Variants in TCF4 observed in about 807,000 individuals in gnomAD.
The protein encoded by TCF4 is SL3-3 enhancer factor 2.
A neutral mutation model predicts 82.1 loss-of-function variants in TCF4; 3 were observed. The ratio of observed to expected loss-of-function variants is 0.04; its 90% CI spans 0.02 to 0.09. The LOEUF is 0.09. Among genes scored for constraint, TCF4 ranks in the 10% least tolerant of loss-of-function variants. The pLI, the probability that TCF4 is intolerant of heterozygous loss-of-function variation, is 1.00. For synonymous variants in TCF4, 276 were observed against 309.6 expected (o/e 0.89, Z 1.14); for missense variants, 518 against 852.7 (o/e 0.61, Z 4.89).
intron 3 of TCF4, among the ~76,000 whole-genome samples, chr18:55,494,157 GACAC>G (rs3138626): frequency 6.8e-5 from 10 of 147,738 alleles, no homozygotes; most frequent in East Asian, 3.9e-4. Context: ...AAATATTATG[GACAC>G]ACACACACAC....
chr18:55,611,945 A>G (rs982291402), intron 2 of TCF4, among the ~76,000 whole-genome samples: 1 of 151,812 alleles, frequency 6.6e-6, no homozygotes, highest in Non-Finnish European at 1.5e-5. Flanking sequence ...ATTTTTTTGT[A>G]TTTTTAGTAG....
intron 3 of TCF4, among the ~76,000 whole-genome samples, chr18:55,568,901 T>C (rs2097433550): frequency 6.6e-6 from 1 of 152,172 alleles, no homozygotes; most frequent in Admixed American, 6.5e-5. Flanking sequence ...GCTACATCAT[T>C]AATTTCATCC....
At chr18:55,265,535 T>C (rs2145842952) in intron 11 of TCF4, 1 of 152,292 alleles carries the variant, frequency 6.6e-6, no homozygotes, top group East Asian at 1.9e-4. Context: ...CAAACTAGTT[T>C]ATTGTTCTCT....
At chr18:55,577,785 C>T (rs2097543136) in intron 3 of TCF4, among the ~76,000 whole-genome samples, 1 of 152,074 alleles carries the variant, frequency 6.6e-6, no homozygotes. Context: ...AAGGGGTATC[C>T]TGTAATGGGG....
At chr18:55,328,932 T>C (rs1300642762) in intron 8 of TCF4, among the ~76,000 whole-genome samples, 1 of 152,202 alleles carries the variant, frequency 6.6e-6, no homozygotes, top group African/African-American at 2.4e-5. Context: ...TCTAGCAATT[T>C]CCTGAGGTTT....
intron 8 of TCF4, among the ~76,000 whole-genome samples, chr18:55,341,832 T>G (rs2080038979): frequency 6.6e-6 from 1 of 152,196 alleles, no homozygotes; most frequent in African/African-American, 2.4e-5. Context: ...ATTTTATTTT[T>G]CAAATGCATG....
chr18:55,582,933 C>A (rs1353150950), intron 3 of TCF4, among the ~76,000 whole-genome samples: 1 of 152,088 alleles, frequency 6.6e-6, no homozygotes, highest in Admixed American at 6.6e-5. Context: ...AATTAAAGGG[C>A]AAAATGCAGT....
At chr18:55,611,419 C>T (rs1435119062) in intron 2 of TCF4, among the ~76,000 whole-genome samples, 1 of 152,178 alleles carries the variant, frequency 6.6e-6, no homozygotes, top group Non-Finnish European at 1.5e-5. Flanking sequence ...CCTGCCAAGG[C>T]CAATTTTTCT....
intron 2 of TCF4, among the ~76,000 whole-genome samples, chr18:55,602,220 A>AAATTAAGTAACTTGCTC (rs1369529454): frequency 6.6e-6 from 1 of 152,214 alleles, no homozygotes; most frequent in East Asian, 1.9e-4. Context: ...AGGCAGAGAG[A>AAATTAAGTAACTTGCTC]AATTAAGTAA....
At chr18:55,574,312 ATTTCAACATAT>A (rs2097506226) in intron 3 of TCF4, among the ~76,000 whole-genome samples, 1 of 152,182 alleles carries the variant, frequency 6.6e-6, no homozygotes, top group South Asian at 2.1e-4. Context: ...ATACTTGCAT[ATTTCAACATAT>A]TTTATTTTAT....
intron 8 of TCF4, among the ~76,000 whole-genome samples, chr18:55,312,708 T>C (rs950572296): frequency 3.3e-5 from 5 of 152,182 alleles, no homozygotes; most frequent in Non-Finnish European, 7.4e-5. Context: ...TAAACGCTTT[T>C]AACAATCATG....
At chr18:55,273,173 G>A (rs779232542) in intron 10 of TCF4, among the ~76,000 whole-genome samples, 16 of 152,242 alleles carry the variant, frequency 1.1e-4, no homozygotes, top group Non-Finnish European at 1.0e-4. Context: ...CTGTAAAGGG[G>A]ATTTAAAGAC....
At chr18:55,625,238 A>T (rs980807900) in intron 2 of TCF4, among the ~76,000 whole-genome samples, 3 of 151,378 alleles carry the variant, frequency 2.0e-5, no homozygotes, top group Non-Finnish European at 4.4e-5. Context: ...CTCAAGCTAC[A>T]ACTTTTTTTT....
chr18:55,440,336 C>T (rs534789768), intron 5 of TCF4, among the ~76,000 whole-genome samples: 54 of 152,214 alleles, frequency 3.5e-4, no homozygotes, highest in East Asian at 9.7e-4. Context: ...AGGTGACTAC[C>T]GCTAAGCTTT....
chr18:55,351,812 C>T (rs968775425), intron 6 of TCF4: 9 of 906,600 alleles, frequency 9.9e-6, no homozygotes, highest in African/African-American at 7.2e-5. Context: ...ATATAAATCG[C>T]TTGATTATAC....
chr18:55,308,305 T>C (rs573392806), intron 8 of TCF4, among the ~76,000 whole-genome samples: 24 of 152,340 alleles, frequency 1.6e-4, no homozygotes, highest in African/African-American at 5.3e-4. Context: ...TACGTGCTTG[T>C]TGTTACATGG....
intron 11 of TCF4, among the ~76,000 whole-genome samples, chr18:55,261,970 C>T (rs897545357): frequency 6.6e-6 from 1 of 152,128 alleles, no homozygotes; most frequent in Non-Finnish European, 1.5e-5. Flanking sequence ...CATAGCAAAA[C>T]GGGGTATTCG....
At chr18:55,461,683 G>A (rs2095870348) in intron 4 of TCF4, among the ~76,000 whole-genome samples, 1 of 152,072 alleles carries the variant, frequency 6.6e-6, no homozygotes. Context: ...GAATATTAGG[G>A]TTTAACTAGG....
At chr18:55,486,452 C>T (rs1156965867) in intron 3 of TCF4, among the ~76,000 whole-genome samples, 1 of 151,936 alleles carries the variant, frequency 6.6e-6, no homozygotes, top group Non-Finnish European at 1.5e-5. Context: ...ATTAGCCGGG[C>T]GTGGTGGCGC....
Sources: allele counts gnomAD v4.1 joint callset (sites outside exome capture counted in the v4.1 genomes callset), GRCh38; gene constraint gnomAD v4.1.1; transcripts MANE v1.5; gene names NCBI Gene and HGNC (gene_info 2026-07-23, HGNC 2026-07-21).